Variants in EPHA5 observed in about 807,000 individuals in gnomAD.
EPHA5 encodes EPH receptor A5.
In EPHA5, 60 loss-of-function variants were observed where a neutral mutation model predicts 105.0. That is an observed-to-expected ratio of 0.57 (90% CI 0.46 to 0.71). EPHA5 has a LOEUF of 0.71. Among genes scored for constraint, EPHA5 ranks in the 30% least tolerant of loss-of-function variants. The probability of loss-of-function intolerance (pLI) is 0.00; values close to 1 mark genes in which losing one functional copy is unlikely to be tolerated. For synonymous variants in EPHA5, 513 were observed against 449.1 expected, an observed-to-expected ratio of 1.14 and a Z score of -1.80; for missense variants, 1,218 against 1,274.7, an observed-to-expected ratio of 0.96 and a Z score of 0.68.
chr4:65,491,598 G>T (rs1022589847), intron 4 of EPHA5, among the ~76,000 whole-genome samples: 1 of 151,986 alleles, frequency 6.6e-6, no homozygotes, highest in Non-Finnish European at 1.5e-5. Context: ...CTAACTTCAT[G>T]AAGTATTTCT....
At chr4:65,644,494 A>G (rs1056591024) in intron 1 of EPHA5, among the ~76,000 whole-genome samples, 17 of 152,086 alleles carry the variant, frequency 1.1e-4, no homozygotes, top group Admixed American at 6.5e-5. Flanking sequence ...CTTAAGCTGT[A>G]TTCAAAAGCC....
chr4:65,490,238 G>T (rs981579649), intron 5 of EPHA5, 139 bp downstream of exon 5: 11 of 672,972 alleles, frequency 1.6e-5, no homozygotes, highest in Non-Finnish European at 2.4e-5. Flanking sequence ...AAGCGTTTTT[G>T]ATGTGTTATA....
intron 3 of EPHA5, among the ~76,000 whole-genome samples, chr4:65,538,115 G>A (rs1286818369): frequency 6.6e-6 from 1 of 151,696 alleles, no homozygotes; most frequent in African/African-American, 2.4e-5. Flanking sequence ...TAGTTTCCTT[G>A]TCTTTAAACA....
chr4:65,583,291 C>T (rs889349207), intron 3 of EPHA5, among the ~76,000 whole-genome samples: 1 of 151,364 alleles, frequency 6.6e-6, no homozygotes, highest in Admixed American at 6.6e-5. Context: ...TTCTCTGTAA[C>T]ATAAAGAGAA....
At chr4:65,428,622 G>A (rs886099179) in intron 5 of EPHA5, among the ~76,000 whole-genome samples, 1 of 151,946 alleles carries the variant, frequency 6.6e-6, no homozygotes, top group Non-Finnish European at 1.5e-5. Context: ...TAGAGAGACG[G>A]TATCTGTTTT....
chr4:65,595,990 A>G (rs545590320), intron 3 of EPHA5, among the ~76,000 whole-genome samples: 1 of 152,306 alleles, frequency 6.6e-6, no homozygotes, highest in South Asian at 2.1e-4. Context: ...ATAAGACTAT[A>G]TTAATTTTTA....
chr4:65,533,132 C>A (rs866729317), intron 3 of EPHA5, among the ~76,000 whole-genome samples: 1 of 151,986 alleles, frequency 6.6e-6, no homozygotes, highest in Non-Finnish European at 1.5e-5. Flanking sequence ...TTCTAAATAC[C>A]AAATCAATGC....
At chr4:65,624,435 A>G (rs1448837379) in intron 2 of EPHA5, among the ~76,000 whole-genome samples, 3 of 152,184 alleles carry the variant, frequency 2.0e-5, no homozygotes, top group African/African-American at 7.2e-5. Flanking sequence ...TGCTGCCTAC[A>G]GACAGGGGCA....
chr4:65,594,516 C>T (rs1037791068), intron 3 of EPHA5, among the ~76,000 whole-genome samples: 4 of 152,146 alleles, frequency 2.6e-5, no homozygotes, highest in African/African-American at 9.6e-5. Flanking sequence ...TTGCCTGTTA[C>T]ATTTATTCTA....
chr4:65,495,937 G>T (rs897840533), intron 3 of EPHA5, among the ~76,000 whole-genome samples: 24 of 152,028 alleles, frequency 1.6e-4, no homozygotes, highest in African/African-American at 5.8e-4. Flanking sequence ...TGCTAAAATG[G>T]TATGATACAA....
rs1719836993 is a variant in EPHA5 at position 65,323,952 on chromosome 4, C to T, written c.*162G>A. 5.5e-6 allele frequency: 3 copies of T among 541,030 alleles called. No individual in the cohort carries two copies. The highest frequency in any genetic ancestry group is 3.5e-5 in the Admixed American group (1 of 28,290). 33.5% of individuals were successfully genotyped at this position (541,030 alleles called of 1,614,324 possible). Reference sequence around the variant, plus strand: ...AAGACTAAGGACTAAGAACTGGATACTTCAGTAAAACCATGATTACAAATT... The same window carrying T: ...AAGACTAAGGACTAAGAACTGGATATTTCAGTAAAACCATGATTACAAATT... On this transcript the variant is annotated 3_prime_UTR_variant, in exon 17 of 17. Coordinates refer to ENST00000613740, the MANE Select transcript of EPHA5 (RefSeq NM_001281766.3).
chr4:65,396,536 G>A (rs1434840743), intron 8 of EPHA5, among the ~76,000 whole-genome samples: 1 of 152,182 alleles, frequency 6.6e-6, no homozygotes, highest in African/African-American at 2.4e-5. Context: ...TGGAAGAACA[G>A]CAGTACCACT....
chr4:65,368,440 A>G (rs1718138371), intron 8 of EPHA5, among the ~76,000 whole-genome samples: 1 of 152,122 alleles, frequency 6.6e-6, no homozygotes, highest in African/African-American at 2.4e-5. Context: ...TAACTCCAGT[A>G]TGGCCTTGGT....
intron 2 of EPHA5, among the ~76,000 whole-genome samples, chr4:65,628,168 C>T (rs999912952): frequency 6.6e-6 from 1 of 151,984 alleles, no homozygotes; most frequent in Non-Finnish European, 1.5e-5. Context: ...TGAAGAATCC[C>T]AACTATAAAA....
At chr4:65,359,369 A>G (rs1235199917) in intron 11 of EPHA5, among the ~76,000 whole-genome samples, 1 of 151,692 alleles carries the variant, frequency 6.6e-6, no homozygotes, top group Admixed American at 6.6e-5. Context: ...ATATAAAATT[A>G]AAGTTTACTC....
chr4:65,669,547 C>T lies in EPHA5; in HGVS notation c.181+15G>A, dbSNP rs201964535. On this transcript the variant is annotated intron_variant, in intron 1 of 16. Coordinates refer to ENST00000613740, the MANE Select transcript of EPHA5 (RefSeq NM_001281766.3). ...CCGCCCCAGGTCGCCACGGTCCCCA[C>T]CCCCATCTCCCTACCTTCGTTGCTG... is the stretch of plus-strand genomic sequence containing the variant. 2.5e-3 allele frequency: 3,418 copies of T among 1,376,302 alleles called. 4 individuals carry two copies. Among genetic ancestry groups the T allele is most frequent in the Non-Finnish European group, 3.0e-3 (3,206 of 1,058,740 alleles). The allele number at this position is 1,376,302 out of a possible 1,614,324, so 85.3% of individuals were successfully genotyped here. A position where few individuals can be genotyped will look rare whatever the true frequency, so the allele number is the denominator to read the frequency against.
intron 6 of EPHA5, 113 bp downstream of exon 6, chr4:65,420,328 G>T: frequency 1.9e-6 from 2 of 1,028,332 alleles, no homozygotes; most frequent in Non-Finnish European, 2.8e-6. Flanking sequence ...AGAATCAATT[G>T]TCATTGATTT....
At chr4:65,562,728 C>CT in intron 3 of EPHA5, among the ~76,000 whole-genome samples, 1 of 152,046 alleles carries the variant, frequency 6.6e-6, no homozygotes. Context: ...CTTCTTCTCA[C>CT]TTTTTTGAAA....
At chr4:65,458,226 T>G (rs1727797618) in intron 5 of EPHA5, among the ~76,000 whole-genome samples, 2 of 152,202 alleles carry the variant, frequency 1.3e-5, no homozygotes, top group South Asian at 4.1e-4. Flanking sequence ...GAAGCAAAAT[T>G]TAGTTTCATA....
Sources: allele counts gnomAD v4.1 joint callset (sites outside exome capture counted in the v4.1 genomes callset), GRCh38; gene constraint gnomAD v4.1.1; transcripts MANE v1.5; gene names NCBI Gene and HGNC (gene_info 2026-07-23, HGNC 2026-07-21).